SRPK2: variants seen among roughly 807,000 people sequenced by gnomAD.
SRPK2 encodes SFRS protein kinase 2.
Under a neutral mutation model 90.8 loss-of-function variants are expected in SRPK2, and 21 were observed. The ratio of observed to expected loss-of-function variants is 0.23; its 90% CI spans 0.16 to 0.33. The LOEUF is 0.33. Ranked by LOEUF, SRPK2 falls within the 10% of genes least tolerant of loss-of-function variation. The pLI is 1.00. For synonymous variants in SRPK2, 288 were observed against 311.1 expected, an observed-to-expected ratio of 0.93 and a Z score of 0.78; for missense variants, 620 against 869.0, an observed-to-expected ratio of 0.71 and a Z score of 3.60.
intron 15 of SRPK2, among the ~76,000 whole-genome samples, chr7:105,122,821 A>C (rs770354170): frequency 6.6e-6 from 1 of 151,712 alleles, no homozygotes; most frequent in Non-Finnish European, 1.5e-5. Context: ...GCGCGCGCAC[A>C]CATGCACACA....
chr7:105,270,082 A>G (rs1411323106), intron 2 of SRPK2, among the ~76,000 whole-genome samples: 4 of 152,264 alleles, frequency 2.6e-5, no homozygotes, highest in Non-Finnish European at 4.4e-5. Context: ...TCCATAAAAT[A>G]CAATGGACCT....
intron 2 of SRPK2, among the ~76,000 whole-genome samples, chr7:105,244,307 C>T (rs1265883796): frequency 6.6e-6 from 1 of 152,236 alleles, no homozygotes. Context: ...CGGTGGCTCA[C>T]GCCTGTAATC....
intron 15 of SRPK2, among the ~76,000 whole-genome samples, chr7:105,118,496 G>T (rs1401507036): frequency 6.6e-6 from 1 of 152,192 alleles, no homozygotes. Context: ...TGTGCTAGCT[G>T]CAGTATGAAA....
chr7:105,246,433 G>A (rs969698484), intron 2 of SRPK2, among the ~76,000 whole-genome samples: 1 of 152,206 alleles, frequency 6.6e-6, no homozygotes, highest in Non-Finnish European at 1.5e-5. Context: ...AGACATTTAG[G>A]TAGTGATGTA....
chr7:105,154,767 C>A (rs557381214), intron 7 of SRPK2, among the ~76,000 whole-genome samples: 1 of 152,172 alleles, frequency 6.6e-6, no homozygotes, highest in East Asian at 1.9e-4. Flanking sequence ...ACCTCCGTAT[C>A]CTGGGTTCAA....
chr7:105,245,690 G>A (rs917392712), intron 2 of SRPK2, among the ~76,000 whole-genome samples: 2 of 151,984 alleles, frequency 1.3e-5, no homozygotes, highest in African/African-American at 2.4e-5. Flanking sequence ...AAAGTAACTC[G>A]GGCTTCTGCA....
chr7:105,332,598 T>C (rs1431258155), intron 2 of SRPK2, among the ~76,000 whole-genome samples: 14 of 151,918 alleles, frequency 9.2e-5, no homozygotes. Context: ...ACCCTATCTG[T>C]ACTAAAAATA....
At position 105,133,003 on chromosome 7, in the gene SRPK2, C is replaced by G; in HGVS notation, c.1644+1G>C. On this transcript the variant is annotated splice_donor_variant, in intron 12 of 15. Coordinates refer to ENST00000393651, the MANE Select transcript of SRPK2 (RefSeq NM_182692.3). LOFTEE classifies it high-confidence loss of function. The stretch of plus-strand genomic sequence containing the variant: ...GGTTTTAGAAAGAAAACTCTACTTA[C>G]CACCCAACAAGCATTTCCCAGGTCA... 6.2e-7 allele frequency: 1 copy of G among 1,614,150 alleles called. No individual in the cohort carries two copies. The highest frequency in any genetic ancestry group is 8.5e-7 in the Non-Finnish European group (1 of 1,179,972).
At position 105,301,286 on chromosome 7, in the gene SRPK2, C is replaced by CAA. The variant is rs35944611; in HGVS notation, c.71+87360_71+87361dup. ...TGAAACCCCGTCTCTACTAAAAATA[C>CAA]AAAAAAAAAAAAAAAAAGCCGCGGC... On this transcript the variant is annotated intron_variant, in intron 2 of 15. Coordinates refer to ENST00000393651, the MANE Select transcript of SRPK2 (RefSeq NM_182692.3). 3.6e-3 allele frequency among the ~76,000 whole-genome samples: 442 copies of CAA among 123,774 alleles called. 5 individuals carry two copies. The highest frequency in any genetic ancestry group is 0.016 in the Middle Eastern group (4 of 244). The allele number at this position is 123,774 out of a possible 152,430, so 81.2% of individuals were successfully genotyped here. A position where few individuals can be genotyped will look rare whatever the true frequency, so the allele number is the denominator to read the frequency against.
At chr7:105,233,070 GGAAGGAAGGAAAGGAAGGAAA>G (rs1799659026) in intron 2 of SRPK2, among the ~76,000 whole-genome samples, 2 of 141,688 alleles carry the variant, frequency 1.4e-5, no homozygotes, top group Admixed American at 7.4e-5. Context: ...GAGCAAGGAA[GGAAGGAAGGAAAGGAAGGAAA>G]GAAGGAAGGA....
intron 2 of SRPK2, among the ~76,000 whole-genome samples, chr7:105,290,197 C>CA (rs56311004): frequency 0.071 from 9,477 of 133,706 alleles, 357 homozygotes; most frequent in Middle Eastern, 0.13. Context: ...ACAGGCTCTT[C>CA]AAAAAAAAAA....
chr7:105,212,605 T>A (rs907367748), intron 2 of SRPK2, among the ~76,000 whole-genome samples: 3 of 152,134 alleles, frequency 2.0e-5, no homozygotes, highest in Non-Finnish European at 4.4e-5. Flanking sequence ...TTGGGCTCTA[T>A]CCCTGAGGCA....
intron 2 of SRPK2, among the ~76,000 whole-genome samples, chr7:105,261,957 G>A (rs1469807209): frequency 6.6e-6 from 1 of 152,160 alleles, no homozygotes; most frequent in Non-Finnish European, 1.5e-5. Context: ...ATGAGACAAG[G>A]CTGGAGAGGG....
At chr7:105,357,551 C>T (rs1184656840) in intron 2 of SRPK2, among the ~76,000 whole-genome samples, 1 of 151,910 alleles carries the variant, frequency 6.6e-6, no homozygotes, top group Non-Finnish European at 1.5e-5. Context: ...CAGGACCAGC[C>T]TAGCCAACAT....
At chr7:105,273,258 CTT>C (rs1334444454) in intron 2 of SRPK2, among the ~76,000 whole-genome samples, 1 of 151,636 alleles carries the variant, frequency 6.6e-6, no homozygotes, top group Admixed American at 6.6e-5. Flanking sequence ...TCCATTCTCT[CTT>C]TTTTATATCA....
At chr7:105,241,349 G>A (rs919264084) in intron 2 of SRPK2, among the ~76,000 whole-genome samples, 6 of 152,074 alleles carry the variant, frequency 3.9e-5, no homozygotes, top group East Asian at 3.9e-4. Flanking sequence ...GAAGGACTCC[G>A]GAGAAGGTTA....
intron 11 of SRPK2, among the ~76,000 whole-genome samples, chr7:105,139,196 T>C (rs1034863107): frequency 6.6e-6 from 1 of 152,062 alleles, no homozygotes; most frequent in Non-Finnish European, 1.5e-5. Context: ...CGGGTGAGCA[T>C]ACTGCAAAGA....
intron 3 of SRPK2, among the ~76,000 whole-genome samples, chr7:105,200,474 CAGTCCACCCG>C (rs1252341002): frequency 3.3e-5 from 5 of 152,094 alleles, no homozygotes; most frequent in Non-Finnish European, 1.5e-5. Flanking sequence ...ATGAATTTAT[CAGTCCACCCG>C]AGACAGAAAG....
At chr7:105,333,146 A>G (rs1309349885) in intron 2 of SRPK2, among the ~76,000 whole-genome samples, 1 of 152,234 alleles carries the variant, frequency 6.6e-6, no homozygotes, top group Non-Finnish European at 1.5e-5. Context: ...GTGAGCCCAG[A>G]TCGTGCCACT....
Sources: gnomAD v4.1 joint callset for allele counts (sites outside exome capture counted in the v4.1 genomes callset) on GRCh38, gnomAD v4.1.1 for gene constraint, MANE v1.5 for transcripts, NCBI Gene and HGNC (gene_info 2026-07-23, HGNC 2026-07-21) for gene names.